ABCB5: variants seen among roughly 807,000 people sequenced by gnomAD.
ABCB5 encodes ATP binding cassette subfamily B member 5.
A neutral mutation model predicts 144.2 loss-of-function variants in ABCB5; 155 were observed. The ratio of observed to expected loss-of-function variants is 1.08; its 90% CI spans 0.94 to 1.23. The LOEUF is 1.23. Ranked by LOEUF, ABCB5 falls within the 50% of genes most tolerant of loss-of-function variation. The probability of loss-of-function intolerance (pLI) is 0.00; values close to 1 mark genes in which losing one functional copy is unlikely to be tolerated. For missense variants in ABCB5, 1,830 were observed against 1,520.8 expected, an observed-to-expected ratio of 1.20 and a Z score of -3.38; for synonymous variants, 610 against 528.6, an observed-to-expected ratio of 1.15 and a Z score of -2.11.
At chr7:20,689,610 A>C (rs956174237) in intron 16 of ABCB5, among the ~76,000 whole-genome samples, 3 of 152,158 alleles carry the variant, frequency 2.0e-5, no homozygotes, top group Non-Finnish European at 4.4e-5. Context: ...CAGTGGCCAC[A>C]CAGAAGAGAA....
At chr7:20,738,940 AG>A in intron 23 of ABCB5, 42 bp from the exon 24 acceptor site, 1 of 1,525,024 alleles carries the variant, frequency 6.6e-7, no homozygotes. Flanking sequence ...TGTTTTACAA[AG>A]GATCGATGGA....
Position 20,651,448 on chromosome 7 carries a change from C to A in ABCB5, c.1361C>A (p.Ala454Asp), listed in dbSNP as rs1784582947. Residue 454 changes from alanine to aspartate, a missense_variant, in exon 13 of 28, where the codon GCT becomes GAT. Coordinates refer to ENST00000404938, the MANE Select transcript of ABCB5 (RefSeq NM_001163941.2). ...ATGGTGGATGAGAATGACATCAGAG[C>A]TTTAAATGTGCGGCATTATCGAGAC... ...FIMVDENDIR[A>D]LNVRHYRDHI... The A allele has an allele frequency of 6.2e-7, 1 of 1,613,946 alleles. No homozygotes were observed. The highest frequency in any genetic ancestry group is 8.5e-7 in the Non-Finnish European group (1 of 1,179,990).
intron 25 of ABCB5, 50 bp downstream of exon 25, chr7:20,743,124 T>G: frequency 6.3e-7 from 1 of 1,583,564 alleles, no homozygotes; most frequent in Middle Eastern, 1.7e-4. Flanking sequence ...AGTCCTATTC[T>G]TAAACATTCA....
rs542413621 is a variant in ABCB5 at position 20,681,526 on chromosome 7, A to T, written c.1729A>T (p.Ile577Phe). Residue 577 changes from isoleucine to phenylalanine, a missense_variant, in exon 15 of 28, where the codon ATC (isoleucine) becomes TTC (phenylalanine). Transcript: ENST00000404938. ...GTAGGCGAGCAAAGGTCGGACTACAATCGTGGTAGCACACCGACTTTCTAC... is the reference window on the plus strand; with the variant it reads ...GTAGGCGAGCAAAGGTCGGACTACATTCGTGGTAGCACACCGACTTTCTAC... The part of the protein sequence containing the change: ...LEKASKGRTT[I>F]VVAHRLSTIR... The T allele has an allele frequency of 9.8e-5, 158 of 1,614,220 alleles. 3 individuals carry two copies. The South Asian group carries it at 1.7e-3, about 17-fold the overall frequency.
At chr7:20,729,811 AC>A (rs1210408649) in intron 23 of ABCB5, among the ~76,000 whole-genome samples, 2 of 152,184 alleles carry the variant, frequency 1.3e-5, no homozygotes, top group African/African-American at 4.8e-5. Context: ...GGGAGATTAC[AC>A]CTGTTACAAG....
intron 19 of ABCB5, among the ~76,000 whole-genome samples, chr7:20,703,672 G>T (rs1231182249): frequency 6.6e-6 from 1 of 152,088 alleles, no homozygotes; most frequent in Non-Finnish European, 1.5e-5. Flanking sequence ...GTTTCCACAT[G>T]GTTTTAATCT....
chr7:20,633,141 G>A (rs1784074324), intron 5 of ABCB5, among the ~76,000 whole-genome samples: 1 of 151,832 alleles, frequency 6.6e-6, no homozygotes, highest in Non-Finnish European at 1.5e-5. Context: ...TAAATTTGGA[G>A]ACTAATTATT....
chr7:20,689,078 G>A (rs1009869971), intron 16 of ABCB5, among the ~76,000 whole-genome samples: 13 of 151,912 alleles, frequency 8.6e-5, no homozygotes, highest in African/African-American at 1.2e-4. Flanking sequence ...TAACAAACCT[G>A]CACGTTGTGC....
Position 20,755,566 on chromosome 7 carries a change from A to G in ABCB5, c.3716A>G (p.Glu1239Gly). 2 of 1,614,194 alleles carry G rather than the reference A, an allele frequency of 1.2e-6. No individual in the cohort carries two copies. Among genetic ancestry groups the G allele is most frequent in the South Asian group, 2.2e-5 (2 of 91,084 alleles). ...ATAAAGGAACAAGGAACTCATCAAG[A>G]GCTCCTGAGAAATCGAGACATATAT... ...GKIKEQGTHQ[E>G]LLRNRDIYFK... is the part of the protein sequence containing the mutation. The change falls in exon 28 of 28, where the codon GAG (glutamate) becomes GGG (glycine). Residue 1239 changes from glutamate to glycine, a missense_variant. Coordinates refer to ENST00000404938, the MANE Select transcript of ABCB5 (RefSeq NM_001163941.2).
At position 20,645,746 on chromosome 7, in the gene ABCB5, T is replaced by A; in HGVS notation, c.679-10T>A. 2 of 1,613,406 alleles carry A rather than the reference T, an allele frequency of 1.2e-6. No individual in the cohort carries two copies. Among genetic ancestry groups the A allele is most frequent in the Non-Finnish European group, 1.7e-6 (2 of 1,179,610 alleles). ...AGTCATTTTTTAACTGTGGTTGTGG[T>A]TTATTACAGATGGTCATCTCATTGA... On this transcript the variant is annotated splice_polypyrimidine_tract_variant and intron_variant, in intron 7 of 27. Coordinates refer to ENST00000404938, the MANE Select transcript of ABCB5 (RefSeq NM_001163941.2).
At position 20,632,065 on chromosome 7, in the gene ABCB5, A is replaced by T. The variant is rs1430115674; in HGVS notation, c.266A>T (p.Tyr89Phe). The stretch of plus-strand genomic sequence containing the variant: ...TAAATAACCTTTTTTACAGCAAATT[A>T]TCAGAACTGTACTCAGTCTCAAGAG... The part of the protein sequence containing the change: ...GCLVQTNTTN[Y>F]QNCTQSQEKL... The change falls in exon 5 of 28, where the codon TAT becomes TTT. Residue 89 changes from tyrosine to phenylalanine, a missense_variant. Coordinates refer to ENST00000404938, the MANE Select transcript of ABCB5 (RefSeq NM_001163941.2). The T allele has an allele frequency of 6.6e-7, 1 of 1,515,772 alleles. No individual in the cohort carries two copies. The highest frequency in any genetic ancestry group is 8.8e-7 in the Non-Finnish European group (1 of 1,130,262). 93.9% of individuals were successfully genotyped at this position (1,515,772 alleles called of 1,614,324 possible). A position where few individuals can be genotyped will look rare whatever the true frequency, so the allele number is the denominator to read the frequency against.
At chr7:20,749,290 G>A (rs535906211) in intron 26 of ABCB5, among the ~76,000 whole-genome samples, 3 of 145,836 alleles carry the variant, frequency 2.1e-5, no homozygotes, top group Non-Finnish European at 4.5e-5. Context: ...TACAGTGGCA[G>A]GATCTCAGCT....
Position 20,658,635 on chromosome 7 carries a change from G to C in ABCB5, c.1666G>C (p.Asp556His). The change falls in exon 14 of 28, where the codon GAT (aspartate) becomes CAT (histidine). Residue 556 changes from aspartate (D) to histidine (H), a missense_variant. By Grantham distance (81) the Asp-to-His change is moderately conservative. Transcript: ENST00000404938. ...TTTAGATGAGGCTACGTCTGCCCTG[G>C]ATTCAGAAAGCAAGTCAGCTGTTCA... ...LILDEATSAL[D>H]SESKSAVQAA... 1 of 1,614,160 alleles carries C rather than the reference G, an allele frequency of 6.2e-7. No individual in the cohort carries two copies. The highest frequency in any genetic ancestry group is 8.5e-7 in the Non-Finnish European group (1 of 1,180,020).
intron 5 of ABCB5, among the ~76,000 whole-genome samples, chr7:20,636,086 A>G (rs538135626): frequency 3.3e-5 from 5 of 152,180 alleles, no homozygotes; most frequent in South Asian, 2.1e-4. Flanking sequence ...CTGGGCTACA[A>G]TGTGAATGAT....
chr7:20,617,628 A>G (rs1783716364), intron 1 of ABCB5, among the ~76,000 whole-genome samples: 1 of 152,210 alleles, frequency 6.6e-6, no homozygotes, highest in Non-Finnish European at 1.5e-5. Flanking sequence ...GTTAAAATGC[A>G]GATTCTATTC....
intron 14 of ABCB5, chr7:20,659,819 G>C: frequency 2.1e-6 from 2 of 946,206 alleles, no homozygotes; most frequent in Non-Finnish European, 2.5e-6. Context: ...GAGTAGCTGG[G>C]AGTACAGGCG....
At chr7:20,731,208 G>T (rs537235206) in intron 23 of ABCB5, among the ~76,000 whole-genome samples, 9 of 151,784 alleles carry the variant, frequency 5.9e-5, no homozygotes, top group African/African-American at 2.2e-4. Context: ...ACAAAAATTA[G>T]CTGGGCATGG....
intron 11 of ABCB5, 105 bp from the exon 12 acceptor site, chr7:20,649,917 T>G (rs1459868744): frequency 7.7e-7 from 1 of 1,294,746 alleles, no homozygotes; most frequent in African/African-American, 1.5e-5. Flanking sequence ...AAATTTGTTT[T>G]TAGAAGAATT....
intron 14 of ABCB5, chr7:20,659,919 G>C: frequency 1.0e-6 from 1 of 959,550 alleles, no homozygotes; most frequent in Non-Finnish European, 1.2e-6. Flanking sequence ...CCTGACCTCA[G>C]GTGATCCGCC....
Sources: allele counts gnomAD v4.1 joint callset (sites outside exome capture counted in the v4.1 genomes callset), GRCh38; gene constraint gnomAD v4.1.1; transcripts MANE v1.5; gene names NCBI Gene and HGNC (gene_info 2026-07-23, HGNC 2026-07-21).